The following MFAP1 variants were observed in gnomAD, a reference collection of about 807,000 sequenced individuals.
MFAP1 encodes the protein microfibril associated protein 1, also known as microfibrillar-associated protein 1.
MFAP1 carries 18 observed loss-of-function variants against 62.2 expected under a neutral mutation model. The observed-to-expected ratio is 0.29, with a 90% CI of 0.20 to 0.43. The LOEUF (loss-of-function observed/expected upper bound fraction) is 0.43. Among genes scored for constraint, MFAP1 ranks in the 20% least tolerant of loss-of-function variants. MFAP1 has a pLI of 1.00. For missense variants in MFAP1, 355 were observed against 559.7 expected (o/e 0.63, Z 3.69); for synonymous variants, 175 against 180.4 (o/e 0.97, Z 0.24).
intron 1 of MFAP1, among the ~76,000 whole-genome samples, 193 bp downstream of exon 1, chr15:43,824,298 T>C (rs1031574324): frequency 1.3e-5 from 2 of 151,770 alleles, no homozygotes; most frequent in Non-Finnish European, 2.9e-5. Flanking sequence ...AGAAGAGAGG[T>C]GCTTGCTGAA....
chr15:43,816,232 T>A (rs904735836), intron 2 of MFAP1, among the ~76,000 whole-genome samples: 1 of 141,238 alleles, frequency 7.1e-6, no homozygotes, highest in Admixed American at 7.9e-5. Flanking sequence ...AATTTTATTT[T>A]TTTTTCTTTT....
intron 1 of MFAP1, 101 bp downstream of exon 1, chr15:43,824,390 A>C: frequency 1.7e-6 from 2 of 1,160,434 alleles, no homozygotes; most frequent in Non-Finnish European, 2.5e-6. Context: ...CCAGATCTCA[A>C]GAGCTGGCGG....
intron 1 of MFAP1, among the ~76,000 whole-genome samples, chr15:43,823,223 C>T (rs889344429): frequency 8.7e-5 from 13 of 149,418 alleles, no homozygotes; most frequent in East Asian, 2.0e-4. Context: ...TGGCCTCAAG[C>T]GATCCTCCTG....
chr15:43,817,495 T>G, intron 1 of MFAP1, 47 bp from the exon 2 acceptor site: 1 of 1,594,924 alleles, frequency 6.3e-7, no homozygotes, highest in African/African-American at 1.3e-5. Flanking sequence ...TTTCTCAATG[T>G]GCTTCAACCC....
Position 43,805,515 on chromosome 15 carries a change from C to G in MFAP1, c.1048-50G>C, listed in dbSNP as rs4924723. The G allele has an allele frequency of 3.3e-3, 4,780 of 1,450,872 alleles. 15 individuals are homozygous for G. The highest frequency in any genetic ancestry group is 3.7e-3 in the Non-Finnish European group (3,982 of 1,062,110). 89.9% of individuals were successfully genotyped at this position (1,450,872 alleles called of 1,614,324 possible). A position where few individuals can be genotyped will look rare whatever the true frequency, so the allele number is the denominator to read the frequency against. The stretch of plus-strand genomic sequence containing the variant: ...CTTGTGGCTTTATTTCCTATATATT[C>G]AAACCACAAATTTATTAAACTCTAC... On this transcript the variant is annotated intron_variant, in intron 7 of 8. Transcript: ENST00000267812.
At chr15:43,814,454 G>C (rs1219805081) in intron 4 of MFAP1, 47 bp downstream of exon 4, 1 of 1,544,760 alleles carries the variant, frequency 6.5e-7, no homozygotes, top group Admixed American at 2.1e-5. Context: ...TCCAGGCCTG[G>C]AAAGTGGTAA....
At chr15:43,814,908 T>C in intron 3 of MFAP1, 37 bp downstream of exon 3, 1 of 1,609,350 alleles carries the variant, frequency 6.2e-7, no homozygotes, top group Non-Finnish European at 8.5e-7. Context: ...CTTTTTCTTA[T>C]ATCCAGAAAA....
chr15:43,812,364 C>G (rs558455445), intron 6 of MFAP1, among the ~76,000 whole-genome samples: 89 of 152,228 alleles, frequency 5.8e-4, no homozygotes, highest in Middle Eastern at 6.8e-3. Flanking sequence ...TTGTGACTTG[C>G]TTTGACCAGT....
At position 43,824,603 on chromosome 15, in the gene MFAP1, A is replaced by T; in HGVS notation, c.-34T>A. ...CAGCGACGGTGATTCCCGAAACTTGACTAATTCCAAACAGTGAACACCAGC... is the reference window on the plus strand; with the variant it reads ...CAGCGACGGTGATTCCCGAAACTTGTCTAATTCCAAACAGTGAACACCAGC... On this transcript the variant is annotated 5_prime_UTR_variant, in exon 1 of 9. Coordinates refer to ENST00000267812, the MANE Select transcript of MFAP1 (RefSeq NM_005926.3). 6.2e-7 allele frequency: 1 copy of T among 1,611,864 alleles called. No individual in the cohort carries two copies. Among genetic ancestry groups the T allele is most frequent in the Non-Finnish European group, 8.5e-7 (1 of 1,177,964 alleles).
chr15:43,811,631 C>T (rs1004803025), intron 6 of MFAP1, among the ~76,000 whole-genome samples: 2 of 151,474 alleles, frequency 1.3e-5, no homozygotes, highest in African/African-American at 4.8e-5. Flanking sequence ...CCTCCGCCTC[C>T]CGAGTAGCTG....
At chr15:43,820,954 G>C (rs2141713074) in intron 1 of MFAP1, among the ~76,000 whole-genome samples, 1 of 152,198 alleles carries the variant, frequency 6.6e-6, no homozygotes, top group East Asian at 1.9e-4. Flanking sequence ...TACCCAGGCT[G>C]GTGTGCAGTG....
At chr15:43,820,789 G>A (rs1281493589) in intron 1 of MFAP1, among the ~76,000 whole-genome samples, 6 of 151,862 alleles carry the variant, frequency 4.0e-5, no homozygotes. Flanking sequence ...AAATTTTTTT[G>A]TACAGACGAG....
intron 7 of MFAP1, among the ~76,000 whole-genome samples, chr15:43,805,864 G>C (rs990480635): frequency 1.3e-5 from 2 of 151,984 alleles, no homozygotes; most frequent in African/African-American, 4.8e-5. Flanking sequence ...TGCCCACCTT[G>C]GCCTCCCAAA....
In MFAP1 at chr15:43,814,852, GT is replaced by G. The variant is rs2087424224; in HGVS notation, c.429+92del. On this transcript the variant is annotated intron_variant, in intron 3 of 8. Coordinates refer to ENST00000267812, the MANE Select transcript of MFAP1 (RefSeq NM_005926.3). ...ACATGATCAGAGTCCTGCCAAAGCA[GT>G]GATCTCATGTTTTTAAGGCTTCAAC... 1.9e-6 allele frequency: 3 copies of G among 1,545,982 alleles called. No homozygotes were observed. The East Asian group carries it at 6.7e-5, about 35-fold the overall frequency.
rs771235744 is a variant in MFAP1 at position 43,824,522 on chromosome 15, C to A, written c.48G>T (p.Thr16=). ...ALMKQPPIQS[T]AGAVPVRNEK... ...CATTGCGAACTGGGACGGCCCCAGC[C>A]GTAGACTGAATGGGCGGTTGCTTCA... is the stretch of plus-strand genomic sequence containing the variant. The change falls in exon 1 of 9, where the codon ACG becomes ACT. Residue 16 remains threonine, a synonymous_variant. Transcript: ENST00000267812. 6.2e-7 allele frequency: 1 copy of A among 1,613,944 alleles called. No individual in the cohort carries two copies. The highest frequency in any genetic ancestry group is 8.5e-7 in the Non-Finnish European group (1 of 1,180,024).
intron 7 of MFAP1, among the ~76,000 whole-genome samples, chr15:43,809,449 G>A (rs189300567): frequency 8.7e-5 from 13 of 149,878 alleles, no homozygotes; most frequent in Admixed American, 8.0e-4. Context: ...AACTATAATC[G>A]CACCACCGTA....
chr15:43,814,042 T>C (rs888520905), intron 4 of MFAP1, among the ~76,000 whole-genome samples: 3 of 151,940 alleles, frequency 2.0e-5, no homozygotes, highest in African/African-American at 4.8e-5. Flanking sequence ...TCACCTGAGG[T>C]TGGGAGTTCG....
At chr15:43,814,083 C>G (rs1434994838) in intron 4 of MFAP1, among the ~76,000 whole-genome samples, 1 of 151,898 alleles carries the variant, frequency 6.6e-6, no homozygotes, top group Non-Finnish European at 1.5e-5. Flanking sequence ...GAAAAACCCC[C>G]TCTCTACTAA....
chr15:43,814,860 A>C, intron 3 of MFAP1, 85 bp downstream of exon 3: 3 of 1,565,084 alleles, frequency 1.9e-6, no homozygotes. Flanking sequence ...CAGTGATCTC[A>C]TGTTTTTAAG....
Sources: allele counts gnomAD v4.1 joint callset (sites outside exome capture counted in the v4.1 genomes callset), GRCh38; gene constraint gnomAD v4.1.1; transcripts MANE v1.5; gene names NCBI Gene and HGNC (gene_info 2026-07-23, HGNC 2026-07-21).